The following CADM2 variants were observed in gnomAD, a reference collection of about 807,000 sequenced individuals.
The protein encoded by CADM2 is cell adhesion molecule 2.
A neutral mutation model predicts 49.8 loss-of-function variants in CADM2; 12 were observed. That is an observed-to-expected ratio of 0.24 (90% confidence interval 0.15 to 0.39). CADM2 has a LOEUF of 0.39. Among genes scored for constraint, CADM2 ranks in the 10% least tolerant of loss-of-function variants. The pLI, the probability that CADM2 is intolerant of heterozygous loss-of-function variation, is 1.00. For synonymous variants in CADM2, 214 were observed against 175.4 expected, an observed-to-expected ratio of 1.22 and a Z score of -1.74; for missense variants, 378 against 492.3, an observed-to-expected ratio of 0.77 and a Z score of 2.20.
intron 1 of CADM2, among the ~76,000 whole-genome samples, chr3:85,354,618 C>CAGAGAGAGAGAGAGAGAGAGAG (rs139421347): frequency 0.091 from 11,852 of 129,864 alleles, 860 homozygotes; most frequent in East Asian, 0.13. Flanking sequence ...GAATACCTAA[C>CAGAGAGAGAGAGAGAGAGAGAG]AGAGAGAGAG....
intron 1 of CADM2, among the ~76,000 whole-genome samples, chr3:85,341,838 G>T (rs2045247476): frequency 6.6e-6 from 1 of 151,988 alleles, no homozygotes; most frequent in African/African-American, 2.4e-5. Flanking sequence ...ACTTGGCTAG[G>T]AACTGAAGAT....
intron 1 of CADM2, among the ~76,000 whole-genome samples, chr3:85,412,520 G>A (rs756903749): frequency 3.8e-5 from 5 of 130,846 alleles, no homozygotes; most frequent in African/African-American, 7.9e-5. Context: ...GGTATCCTAG[G>A]TCCTATGTAA....
intron 1 of CADM2, among the ~76,000 whole-genome samples, chr3:85,039,910 T>C (rs1391543782): frequency 6.6e-6 from 1 of 152,194 alleles, no homozygotes; most frequent in Non-Finnish European, 1.5e-5. Context: ...CAGCCAAAAG[T>C]TAATACTTCC....
intron 1 of CADM2, among the ~76,000 whole-genome samples, chr3:85,323,307 A>G (rs2044663999): frequency 1.3e-5 from 2 of 152,134 alleles, no homozygotes; most frequent in Non-Finnish European, 2.9e-5. Flanking sequence ...ATTTGGTAGC[A>G]TTTAATTCTG....
intron 6 of CADM2, among the ~76,000 whole-genome samples, chr3:85,914,301 A>G (rs544900836): frequency 6.6e-6 from 1 of 152,078 alleles, no homozygotes; most frequent in Non-Finnish European, 1.5e-5. Context: ...CTTTGATTAT[A>G]AAGTAGAGGA....
chr3:85,012,418 AT>A (rs150713204), intron 1 of CADM2, among the ~76,000 whole-genome samples: 12,071 of 148,588 alleles, frequency 0.081, 689 homozygotes, highest in Admixed American at 0.19. Context: ...AATTGTTCAT[AT>A]TTTTTTCAGC....
At position 84,959,412 on chromosome 3, in the gene CADM2, A is replaced by T. The variant is rs925702795; in HGVS notation, c.-196A>T. The T allele has an allele frequency of 6.5e-5, 38 of 587,250 alleles. No individual in the cohort carries two copies. The highest frequency in any genetic ancestry group is 1.0e-4 in the Non-Finnish European group (33 of 330,084). The allele number at this position is 587,250 out of a possible 1,614,324, so 36.4% of individuals were successfully genotyped here. A position where few individuals can be genotyped will look rare whatever the true frequency, so the allele number is the denominator to read the frequency against. On this transcript the variant is annotated 5_prime_UTR_variant, in exon 1 of 10. Coordinates refer to ENST00000383699, the MANE Select transcript of CADM2 (RefSeq NM_001167675.2). Reference sequence around the variant, plus strand: ...AGAAGAAACTATTTCGCGATACCCCATTCTGCGGGTGCTTTGCCGCTGCCG... The same window carrying T: ...AGAAGAAACTATTTCGCGATACCCCTTTCTGCGGGTGCTTTGCCGCTGCCG...
intron 7 of CADM2, among the ~76,000 whole-genome samples, chr3:85,943,578 T>C (rs1378022020): frequency 2.0e-5 from 3 of 151,850 alleles, no homozygotes; most frequent in African/African-American, 7.3e-5. Flanking sequence ...CCCAGCACCA[T>C]TTATTAAATA....
chr3:85,358,729 A>C (rs947446250), intron 1 of CADM2, among the ~76,000 whole-genome samples: 3 of 152,174 alleles, frequency 2.0e-5, no homozygotes, highest in Admixed American at 1.3e-4. Flanking sequence ...CTCAAGAAAT[A>C]CTTATTATGA....
intron 1 of CADM2, among the ~76,000 whole-genome samples, chr3:85,088,497 C>T (rs1189309035): frequency 1.3e-5 from 2 of 151,994 alleles, no homozygotes; most frequent in African/African-American, 2.4e-5. Context: ...TCTGAAACCA[C>T]CTTTTATTTT....
rs192896727 is a variant in CADM2, at chr3:84,998,791, T to A, written c.61+39123T>A. ...GTAGCCAGAGGCTCAGATTTGCTAA[T>A]CTCAATTTGGCACCAATAAATAACC... On this transcript the variant is annotated intron_variant, in intron 1 of 9. Transcript: ENST00000383699. Among the ~76,000 whole-genome samples the A allele has an allele frequency of 2.2e-3, 340 of 152,240 alleles. 2 individuals carry two copies. Among genetic ancestry groups the A allele is most frequent in the African/African-American group, 7.8e-3 (325 of 41,560 alleles).
intron 1 of CADM2, among the ~76,000 whole-genome samples, chr3:85,548,055 GT>G (rs1559902200): frequency 6.6e-6 from 1 of 151,700 alleles, no homozygotes; most frequent in Non-Finnish European, 1.5e-5. Flanking sequence ...ACTAGCCTCC[GT>G]CACTTACTAG....
intron 1 of CADM2, among the ~76,000 whole-genome samples, chr3:85,062,540 T>C (rs1392898578): frequency 6.6e-6 from 1 of 151,912 alleles, no homozygotes; most frequent in Non-Finnish European, 1.5e-5. Flanking sequence ...TTTCCAATTT[T>C]TTGGTACTAA....
At chr3:86,017,736 A>G (rs896915839) in intron 8 of CADM2, among the ~76,000 whole-genome samples, 2 of 151,460 alleles carry the variant, frequency 1.3e-5, no homozygotes, top group Admixed American at 6.6e-5. Context: ...TCCAAAAAAA[A>G]AAAAAGAAAG....
chr3:84,982,824 C>A (rs2032288656), intron 1 of CADM2, among the ~76,000 whole-genome samples: 1 of 149,372 alleles, frequency 6.7e-6, no homozygotes, highest in East Asian at 2.0e-4. Flanking sequence ...CAGCTCACTG[C>A]AACCTCCCCG....
chr3:85,984,034 A>G (rs1422239369), intron 8 of CADM2, among the ~76,000 whole-genome samples: 1 of 149,602 alleles, frequency 6.7e-6, no homozygotes, highest in Non-Finnish European at 1.5e-5. Flanking sequence ...TATTATACAT[A>G]TTATATATGA....
At chr3:85,363,224 T>C (rs1368749) in intron 1 of CADM2, among the ~76,000 whole-genome samples, 92,001 of 152,224 alleles carry the variant, frequency 0.6, 28,542 homozygotes, top group East Asian at 0.81. Flanking sequence ...GTTTTACATA[T>C]GGTCATTTCA....
At chr3:85,303,958 T>C (rs191619486) in intron 1 of CADM2, among the ~76,000 whole-genome samples, 1 of 152,034 alleles carries the variant, frequency 6.6e-6, no homozygotes, top group Admixed American at 6.6e-5. Context: ...CTTTGGACAT[T>C]GAGACCGGAG....
chr3:85,096,289 C>T (rs1436793999), intron 1 of CADM2, among the ~76,000 whole-genome samples: 1 of 151,976 alleles, frequency 6.6e-6, no homozygotes, highest in Non-Finnish European at 1.5e-5. Context: ...TACACTAGAG[C>T]AGCATAACAT....
Sources: allele counts gnomAD v4.1 joint callset (sites outside exome capture counted in the v4.1 genomes callset), GRCh38; gene constraint gnomAD v4.1.1; transcripts MANE v1.5; gene names NCBI Gene and HGNC (gene_info 2026-07-23, HGNC 2026-07-21).